Variants in CDH13 observed in about 807,000 individuals in gnomAD.
CDH13 encodes cadherin-13.
Under a neutral mutation model 63.8 loss-of-function variants are expected in CDH13, and 24 were observed. That is an observed-to-expected ratio of 0.38 (90% CI 0.27 to 0.53). The LOEUF is 0.53. CDH13 is among the 20% of genes least tolerant of loss of function. The pLI, the probability that CDH13 is intolerant of heterozygous loss-of-function variation, is 0.85. For synonymous variants in CDH13, 503 were observed against 355.3 expected, an observed-to-expected ratio of 1.42 and a Z score of -4.67; for missense variants, 1,049 against 903.1, an observed-to-expected ratio of 1.16 and a Z score of -2.07.
chr16:82,710,303 G>A (rs7191636), intron 1 of CDH13, among the ~76,000 whole-genome samples: 225 of 143,200 alleles, frequency 1.6e-3, no homozygotes, highest in African/African-American at 5.6e-3. Flanking sequence ...ATAGGTGGAG[G>A]CGGGTGGATC....
At chr16:83,630,976 C>T (rs9938291) in intron 8 of CDH13, among the ~76,000 whole-genome samples, 38,227 of 152,012 alleles carry the variant, frequency 0.25, 5,219 homozygotes, top group East Asian at 0.46. Context: ...ATGGCAAGCA[C>T]AGTGCCTGAC....
At chr16:83,034,083 G>C (rs1341291742) in intron 3 of CDH13, among the ~76,000 whole-genome samples, 2 of 152,096 alleles carry the variant, frequency 1.3e-5, no homozygotes, top group African/African-American at 2.4e-5. Context: ...GATCTTGAGA[G>C]CATCATATAG....
intron 10 of CDH13, chr16:83,726,004 T>A (rs1910338430): frequency 6.6e-6 from 1 of 152,248 alleles, no homozygotes; most frequent in Non-Finnish European, 1.5e-5. Flanking sequence ...TATGTAGCAT[T>A]CTTTCCTGAC....
At chr16:83,530,982 C>T (rs951347209) in intron 7 of CDH13, among the ~76,000 whole-genome samples, 1 of 152,172 alleles carries the variant, frequency 6.6e-6, no homozygotes, top group Non-Finnish European at 1.5e-5. Flanking sequence ...GTCTCCACTC[C>T]TCCATTTCCT....
chr16:83,037,707 T>C (rs921897865), intron 3 of CDH13, among the ~76,000 whole-genome samples: 1 of 152,130 alleles, frequency 6.6e-6, no homozygotes, highest in Non-Finnish European at 1.5e-5. Context: ...AGAGTACAAA[T>C]TTGAAGGAAG....
At chr16:83,277,739 C>T (rs1349094538) in intron 5 of CDH13, among the ~76,000 whole-genome samples, 2 of 152,068 alleles carry the variant, frequency 1.3e-5, no homozygotes, top group East Asian at 3.8e-4. Context: ...ACTCTTTCTA[C>T]TATATTTTCT....
chr16:83,594,292 T>A (rs552591989), intron 7 of CDH13, among the ~76,000 whole-genome samples: 31 of 152,356 alleles, frequency 2.0e-4, no homozygotes, highest in African/African-American at 7.0e-4. Flanking sequence ...TTACCTCTTT[T>A]AATTCTCACG....
At chr16:83,156,805 G>A (rs773681454) in intron 4 of CDH13, among the ~76,000 whole-genome samples, 1 of 152,010 alleles carries the variant, frequency 6.6e-6, no homozygotes, top group Admixed American at 6.6e-5. Context: ...TGTTTTTATG[G>A]CCATAATATA....
At chr16:83,158,346 A>G (rs1031551003) in intron 4 of CDH13, among the ~76,000 whole-genome samples, 5 of 152,034 alleles carry the variant, frequency 3.3e-5, no homozygotes, top group Non-Finnish European at 7.4e-5. Context: ...TGTGCTGTGC[A>G]GTGAATCCAT....
intron 3 of CDH13, among the ~76,000 whole-genome samples, chr16:83,111,250 T>G (rs1394592167): frequency 4.6e-5 from 7 of 151,454 alleles, no homozygotes; most frequent in Admixed American, 4.0e-4. Flanking sequence ...AGGAGTAGAG[T>G]AAAAAAAATC....
intron 1 of CDH13, among the ~76,000 whole-genome samples, chr16:82,716,880 G>C (rs8059776): frequency 0.6 from 90,535 of 151,354 alleles, 27,237 homozygotes; most frequent in East Asian, 0.77. Flanking sequence ...ACACGGGTCC[G>C]TCGTAAGATG....
chr16:82,642,574 A>G (rs1567582694), intron 1 of CDH13, among the ~76,000 whole-genome samples: 1 of 152,220 alleles, frequency 6.6e-6, no homozygotes, highest in Non-Finnish European at 1.5e-5. Context: ...TTTAAGCCAC[A>G]TTCCTAATCA....
At chr16:82,810,946 C>T (rs1481146966) in intron 1 of CDH13, among the ~76,000 whole-genome samples, 1 of 152,140 alleles carries the variant, frequency 6.6e-6, no homozygotes, top group Non-Finnish European at 1.5e-5. Context: ...AGCAATGGTT[C>T]TTAGCTGCTT....
intron 1 of CDH13, among the ~76,000 whole-genome samples, chr16:82,771,195 C>A (rs997828484): frequency 1.3e-4 from 20 of 152,176 alleles, no homozygotes; most frequent in African/African-American, 4.8e-4. Flanking sequence ...ATATTTAGCT[C>A]TTCCTTTGTG....
chr16:83,124,648 A>T (rs1289816436), intron 3 of CDH13, among the ~76,000 whole-genome samples: 1 of 150,698 alleles, frequency 6.6e-6, no homozygotes, highest in Admixed American at 6.7e-5. Context: ...TGCAGGTCTT[A>T]TGTTTAGGTC....
intron 8 of CDH13, among the ~76,000 whole-genome samples, chr16:83,664,332 C>T (rs1052556784): frequency 6.6e-6 from 1 of 152,056 alleles, no homozygotes; most frequent in African/African-American, 2.4e-5. Flanking sequence ...TGAAGACTTG[C>T]CAGTGAACAG....
chr16:83,362,865 C>T (rs1054050965), intron 6 of CDH13, among the ~76,000 whole-genome samples: 3 of 152,132 alleles, frequency 2.0e-5, no homozygotes, highest in African/African-American at 4.8e-5. Context: ...GATTTTATTG[C>T]TTATGGGAGA....
intron 10 of CDH13, among the ~76,000 whole-genome samples, chr16:83,739,569 A>C (rs549936410): frequency 1.3e-5 from 2 of 151,832 alleles, no homozygotes; most frequent in Non-Finnish European, 2.9e-5. Flanking sequence ...ACACAAACCC[A>C]CCTAACTAAG....
At chr16:82,787,762 A>G (rs1363921862) in intron 1 of CDH13, among the ~76,000 whole-genome samples, 3 of 143,904 alleles carry the variant, frequency 2.1e-5, no homozygotes, top group Non-Finnish European at 4.6e-5. Flanking sequence ...TTTAATAACA[A>G]TTTTGTTTGT....
Sources: allele counts gnomAD v4.1 joint callset (sites outside exome capture counted in the v4.1 genomes callset), GRCh38; gene constraint gnomAD v4.1.1; transcripts MANE v1.5; gene names NCBI Gene and HGNC (gene_info 2026-07-23, HGNC 2026-07-21).